The following SLC35F4 variants were observed in gnomAD, a reference collection of about 807,000 sequenced individuals.
The protein encoded by SLC35F4 is solute carrier family 35 member F4.
SLC35F4 carries 24 observed loss-of-function variants against 44.2 expected under a neutral mutation model. The ratio of observed to expected loss-of-function variants is 0.54; its 90% CI spans 0.39 to 0.76. SLC35F4 has a LOEUF of 0.76. Among genes scored for constraint, SLC35F4 ranks in the 30% least tolerant of loss-of-function variants. The pLI is 0.00. For missense variants in SLC35F4, 562 were observed against 586.1 expected, an observed-to-expected ratio of 0.96 and a Z score of 0.42; for synonymous variants, 238 against 223.6, an observed-to-expected ratio of 1.06 and a Z score of -0.57.
intron 1 of SLC35F4, among the ~76,000 whole-genome samples, chr14:57,721,811 C>T (rs553036558): frequency 6.6e-6 from 1 of 152,122 alleles, no homozygotes; most frequent in South Asian, 2.1e-4. Flanking sequence ...AACATTGCCT[C>T]CCCAACCCAT....
At chr14:57,773,892 A>G (rs2077427462) in intron 1 of SLC35F4, among the ~76,000 whole-genome samples, 1 of 152,212 alleles carries the variant, frequency 6.6e-6, no homozygotes, top group Admixed American at 6.5e-5. Context: ...AATTCGTGCC[A>G]CAAGAAAAAT....
chr14:57,929,776 G>C (rs1889656878), intron 1 of SLC35F4, among the ~76,000 whole-genome samples: 1 of 152,110 alleles, frequency 6.6e-6, no homozygotes, highest in Non-Finnish European at 1.5e-5. Context: ...ATGAAACAAA[G>C]ATACACATCA....
At chr14:57,881,350 T>A (rs1469362947) in intron 1 of SLC35F4, among the ~76,000 whole-genome samples, 1 of 152,162 alleles carries the variant, frequency 6.6e-6, no homozygotes, top group East Asian at 1.9e-4. Context: ...TTCCAGTACT[T>A]CCCTCTACCA....
At chr14:57,961,057 C>T (rs1249348978) in intron 1 of SLC35F4, among the ~76,000 whole-genome samples, 3 of 152,074 alleles carry the variant, frequency 2.0e-5, no homozygotes, top group Admixed American at 1.3e-4. Flanking sequence ...GGCTCTGGCT[C>T]GTCAAGAAGA....
intron 1 of SLC35F4, among the ~76,000 whole-genome samples, chr14:57,745,338 A>G (rs1012301710): frequency 6.6e-6 from 1 of 152,246 alleles, no homozygotes; most frequent in Non-Finnish European, 1.5e-5. Flanking sequence ...TACCCATCTG[A>G]CAAAGGGCTA....
intron 1 of SLC35F4, among the ~76,000 whole-genome samples, chr14:57,795,836 A>G (rs1442618337): frequency 6.6e-6 from 1 of 151,928 alleles, no homozygotes. Flanking sequence ...GTACATATGC[A>G]GGTTTGTTAC....
At chr14:57,740,215 A>G (rs1422989206) in intron 1 of SLC35F4, among the ~76,000 whole-genome samples, 1 of 152,184 alleles carries the variant, frequency 6.6e-6, no homozygotes, top group Non-Finnish European at 1.5e-5. Context: ...TAATTGAAAG[A>G]ATGATATAAA....
At chr14:57,761,672 A>T (rs948812395) in intron 1 of SLC35F4, among the ~76,000 whole-genome samples, 21 of 152,182 alleles carry the variant, frequency 1.4e-4, no homozygotes, top group African/African-American at 5.1e-4. Flanking sequence ...TTAAAAAAAT[A>T]GAAAACACTA....
At chr14:57,871,108 C>T (rs1279865743) in intron 1 of SLC35F4, among the ~76,000 whole-genome samples, 4 of 152,270 alleles carry the variant, frequency 2.6e-5, no homozygotes, top group African/African-American at 9.6e-5. Flanking sequence ...AGTGTGATGC[C>T]CCATGGGAGG....
At chr14:57,575,380 T>C (rs767061171) in intron 4 of SLC35F4, among the ~76,000 whole-genome samples, 14 of 150,356 alleles carry the variant, frequency 9.3e-5, no homozygotes, top group Admixed American at 1.3e-4. Context: ...ACTCGGGAGG[T>C]TGAGGCAGGA....
intron 1 of SLC35F4, among the ~76,000 whole-genome samples, chr14:57,673,087 G>C (rs1249568376): frequency 6.6e-6 from 1 of 152,082 alleles, no homozygotes; most frequent in East Asian, 1.9e-4. Context: ...GTATAAAGAT[G>C]ATGAACCATG....
chr14:57,857,019 T>C (rs1004547377), intron 1 of SLC35F4, among the ~76,000 whole-genome samples: 1 of 152,062 alleles, frequency 6.6e-6, no homozygotes, highest in African/African-American at 2.4e-5. Flanking sequence ...CTCACGCCTG[T>C]AATCCCAGCA....
At chr14:57,737,406 T>G (rs1351711953) in intron 1 of SLC35F4, among the ~76,000 whole-genome samples, 1 of 152,180 alleles carries the variant, frequency 6.6e-6, no homozygotes, top group Non-Finnish European at 1.5e-5. Flanking sequence ...GACACATATT[T>G]ATTACTTTGA....
intron 1 of SLC35F4, among the ~76,000 whole-genome samples, chr14:57,658,405 A>G (rs2074034983): frequency 6.6e-6 from 1 of 152,190 alleles, no homozygotes; most frequent in Admixed American, 6.6e-5. Context: ...ACTTTTATTC[A>G]GTGCTTGTCA....
intron 2 of SLC35F4, among the ~76,000 whole-genome samples, chr14:57,592,060 ACT>A (rs1394081195): frequency 2.6e-5 from 4 of 151,584 alleles, no homozygotes; most frequent in Non-Finnish European, 4.4e-5. Context: ...GGTACCCAGA[ACT>A]CTTTTATTTT....
At chr14:57,747,548 T>C (rs1336179308) in intron 1 of SLC35F4, among the ~76,000 whole-genome samples, 1 of 152,156 alleles carries the variant, frequency 6.6e-6, no homozygotes, top group Non-Finnish European at 1.5e-5. Context: ...CTCCAACAAT[T>C]GGCAACCCTT....
At chr14:57,651,304 A>C (rs924132438) in intron 1 of SLC35F4, among the ~76,000 whole-genome samples, 4 of 152,190 alleles carry the variant, frequency 2.6e-5, no homozygotes, top group Admixed American at 2.0e-4. Flanking sequence ...TATTTTGGTA[A>C]TGACCTACTG....
intron 1 of SLC35F4, among the ~76,000 whole-genome samples, chr14:57,758,626 T>C (rs181129486): frequency 6.6e-6 from 1 of 152,264 alleles, no homozygotes; most frequent in East Asian, 1.9e-4. Context: ...CTAATTCTAA[T>C]GTCTGTGTCA....
At chr14:57,916,121 G>A (rs1889324464) in intron 1 of SLC35F4, among the ~76,000 whole-genome samples, 1 of 152,188 alleles carries the variant, frequency 6.6e-6, no homozygotes, top group Non-Finnish European at 1.5e-5. Flanking sequence ...CCAGCAGCGG[G>A]CAAGGGTCGT....
Sources: gnomAD v4.1 joint callset for allele counts (sites outside exome capture counted in the v4.1 genomes callset) on GRCh38, gnomAD v4.1.1 for gene constraint, MANE v1.5 for transcripts, NCBI Gene and HGNC (gene_info 2026-07-23, HGNC 2026-07-21) for gene names.